RHOH: variants seen among roughly 807,000 people sequenced by gnomAD.
RHOH encodes ras homolog family member H.
A neutral mutation model predicts 13.8 loss-of-function variants in RHOH; 6 were observed. The observed-to-expected ratio is 0.44, with a 90% CI of 0.24 to 0.86. The LOEUF is 0.86. Ranked by LOEUF, RHOH falls within the 40% of genes least tolerant of loss-of-function variation. The pLI is 0.24. For missense variants in RHOH, 147 were observed against 244.5 expected (o/e 0.60, Z 2.66); for synonymous variants, 117 against 103.0 (o/e 1.14, Z -0.82).
chr4:40,246,330 G>A lies in RHOH; in HGVS notation c.*2368G>A, dbSNP rs1254741324. On this transcript the variant is annotated 3_prime_UTR_variant, in exon 3 of 3. Transcript: ENST00000381799. ...AGGGCCACCATACATGATCCTAAGT[G>A]AAGGAAGAGGAGGTGGTTCCACGGT... 6.6e-6 allele frequency: 1 copy of A among 152,494 alleles called. No homozygotes were observed. The highest frequency in any genetic ancestry group is 1.5e-5 in the Non-Finnish European group (1 of 68,166). The allele number at this position is 152,494 out of a possible 1,614,324, so 9.4% of individuals were successfully genotyped here. A position where few individuals can be genotyped will look rare whatever the true frequency, so the allele number is the denominator to read the frequency against.
chr4:40,232,464 A>C (rs1378888917), intron 1 of RHOH, among the ~76,000 whole-genome samples: 1 of 151,520 alleles, frequency 6.6e-6, no homozygotes, highest in Non-Finnish European at 1.5e-5. Context: ...CATGTTGCCC[A>C]GGCTGGTCTT....
chr4:40,224,907 A>T (rs1727037674), intron 1 of RHOH, among the ~76,000 whole-genome samples: 2 of 152,142 alleles, frequency 1.3e-5, no homozygotes, highest in South Asian at 4.1e-4. Flanking sequence ...TATCTTACTG[A>T]ATTATTGTTA....
At chr4:40,238,022 A>C (rs1183472893) in intron 1 of RHOH, among the ~76,000 whole-genome samples, 1 of 152,208 alleles carries the variant, frequency 6.6e-6, no homozygotes, top group Non-Finnish European at 1.5e-5. Flanking sequence ...TTATTTCTGT[A>C]TTGTTATCAT....
At chr4:40,238,577 C>T (rs1295180419) in intron 1 of RHOH, among the ~76,000 whole-genome samples, 3 of 152,104 alleles carry the variant, frequency 2.0e-5, no homozygotes, top group African/African-American at 4.8e-5. Context: ...TGTCTCTGTG[C>T]GTGTGAACCC....
rs1729493891 is a variant in RHOH at position 40,243,438 on chromosome 4, A to G, written c.52A>G (p.Thr18Ala). 1 of 1,608,798 alleles carries G rather than the reference A, an allele frequency of 6.2e-7. No homozygotes were observed. Among genetic ancestry groups the G allele is most frequent in the Non-Finnish European group, 8.5e-7 (1 of 1,177,822 alleles). Reference sequence around the variant, plus strand: ...GGTGGGCGACTCTGCTGTGGGGAAAACCTCTCTGTTGGTGCGCTTCACCTC... The same window carrying G: ...GGTGGGCGACTCTGCTGTGGGGAAAGCCTCTCTGTTGGTGCGCTTCACCTC... Reference protein sequence around the residue: ...VLVGDSAVGKTSLLVRFTSET... With the variant: ...VLVGDSAVGKASLLVRFTSET... The change falls in exon 3 of 3, where the codon ACC (threonine) becomes GCC (alanine). Residue 18 changes from threonine to alanine, a missense_variant. Transcript: ENST00000381799. This position sits in a 1 kb window ranked among gnomAD's most constrained non-coding sequence, Gnocchi z 6.2.
rs921188719 is a variant in RHOH, at chr4:40,197,265, T to G, written c.-366T>G. On this transcript the variant is annotated 5_prime_UTR_variant, in exon 1 of 3. Coordinates refer to ENST00000381799, the MANE Select transcript of RHOH (RefSeq NM_004310.5). ...AATTTGATTTCCGGAGTCAGTCATT[T>G]TACTGTCAAGACATTTCTTCGGCAT... 2.0e-5 allele frequency: 3 copies of G among 152,284 alleles called. No individual in the cohort carries two copies. The highest frequency in any genetic ancestry group is 7.2e-5 in the African/African-American group (3 of 41,470). The allele number at this position is 152,284 out of a possible 1,614,324, so 9.4% of individuals were successfully genotyped here.
In RHOH at chr4:40,243,747, C is replaced by T. The variant is rs1462656857; in HGVS notation, c.361C>T (p.Arg121Trp). The T allele has an allele frequency of 3.1e-6, 5 of 1,613,984 alleles. No individual in the cohort carries two copies. The highest frequency in any genetic ancestry group is 4.2e-6 in the Non-Finnish European group (5 of 1,180,010). The stretch of plus-strand genomic sequence containing the variant: ...GGTGGTGGCCACCCAGACTGACCAG[C>T]GGGAGATGGGGCCCCACAGGGCCTC... ...VLVVATQTDQREMGPHRASCV... is the reference protein window; with the variant it reads ...VLVVATQTDQWEMGPHRASCV... The change falls in exon 3 of 3, where the codon CGG (arginine) becomes TGG (tryptophan). Residue 121 changes from arginine to tryptophan, a missense_variant. Around this residue, in one of 3 missense-constraint regions of RHOH, gnomAD observed 36 missense variants for 30.7 expected, o/e 1.17. Coordinates refer to ENST00000381799, the MANE Select transcript of RHOH (RefSeq NM_004310.5). This position sits in a 1 kb window ranked among gnomAD's most constrained non-coding sequence, Gnocchi z 6.2.
intron 1 of RHOH, among the ~76,000 whole-genome samples, chr4:40,212,455 G>A (rs1490040011): frequency 6.6e-6 from 1 of 152,168 alleles, no homozygotes; most frequent in Non-Finnish European, 1.5e-5. Flanking sequence ...TGAAGTCAAC[G>A]AGGGCTTGCA....
At chr4:40,239,322 C>T (rs1431781597) in intron 1 of RHOH, among the ~76,000 whole-genome samples, 1 of 152,132 alleles carries the variant, frequency 6.6e-6, no homozygotes, top group Admixed American at 6.6e-5. Context: ...ACTTTTTCTC[C>T]TTTCTGACTC....
intron 1 of RHOH, among the ~76,000 whole-genome samples, chr4:40,205,370 C>CA (rs1724524586): frequency 2.0e-5 from 3 of 152,348 alleles, no homozygotes; most frequent in African/African-American, 7.2e-5. Context: ...ACTGGATACC[C>CA]AGCCCAGCTG....
chr4:40,201,182 G>A (rs913869765), intron 1 of RHOH, among the ~76,000 whole-genome samples: 2 of 152,172 alleles, frequency 1.3e-5, no homozygotes, highest in African/African-American at 4.8e-5. Context: ...AAAAAAGCAC[G>A]GTAAAATGAA....
upstream of RHOH, among the ~76,000 whole-genome samples, chr4:40,194,655 C>T (rs1560674663): frequency 6.6e-6 from 1 of 152,174 alleles, no homozygotes; most frequent in Non-Finnish European, 1.5e-5. Context: ...GGATTATAGG[C>T]GTGAGCCACT....
chr4:40,225,412 A>G (rs141516217), intron 1 of RHOH, among the ~76,000 whole-genome samples: 8 of 150,592 alleles, frequency 5.3e-5, no homozygotes, highest in African/African-American at 1.9e-4. Flanking sequence ...AGTTCAATTA[A>G]AAAAAAAAGT....
chr4:40,239,869 C>T (rs1729041943), intron 1 of RHOH, among the ~76,000 whole-genome samples: 1 of 147,550 alleles, frequency 6.8e-6, no homozygotes, highest in South Asian at 2.1e-4. Flanking sequence ...CAGAGCGAGA[C>T]TCCGTCTCAA....
At chr4:40,239,088 C>G (rs557510845) in intron 1 of RHOH, among the ~76,000 whole-genome samples, 1 of 152,334 alleles carries the variant, frequency 6.6e-6, no homozygotes, top group African/African-American at 2.4e-5. Context: ...AGGCTCCTCC[C>G]CTCCTCAAGG....
At position 40,245,188 on chromosome 4, in the gene RHOH, T is replaced by C. The variant is rs1294270487; in HGVS notation, c.*1226T>C. On this transcript the variant is annotated 3_prime_UTR_variant, in exon 3 of 3. Coordinates refer to ENST00000381799, the MANE Select transcript of RHOH (RefSeq NM_004310.5). ...ACTCAAACCTCATTCTATCGAATAG[T>C]TTAAAAGCAATGGTGTTGCTCATCT... 1 of 152,096 alleles carries C rather than the reference T, an allele frequency of 6.6e-6. No homozygotes were observed. Among genetic ancestry groups the C allele is most frequent in the Non-Finnish European group, 1.5e-5 (1 of 68,014 alleles). 9.4% of individuals were successfully genotyped at this position (152,096 alleles called of 1,614,324 possible).
intron 1 of RHOH, among the ~76,000 whole-genome samples, chr4:40,207,100 G>A (rs1215289560): frequency 1.3e-5 from 2 of 151,866 alleles, no homozygotes; most frequent in African/African-American, 2.4e-5. Flanking sequence ...CCAGCTACTC[G>A]GGAGGCTGAG....
In RHOH at chr4:40,218,474, G is replaced by T. The variant is rs1006838041; in HGVS notation, c.-331+21174G>T. On this transcript the variant is annotated intron_variant, in intron 1 of 2. Transcript: ENST00000381799. The surrounding 1 kb of genome is among the most constrained non-coding windows in gnomAD (Gnocchi z 4.1). ...TGCTAGGGCCCCCTGTGCTTAGCTC[G>T]GCTAATGAGCCCAGGCTGAGGGCTT... Among the ~76,000 whole-genome samples, 2 of 152,126 alleles carry T rather than the reference G, an allele frequency of 1.3e-5. No individual in the cohort carries two copies. Among genetic ancestry groups the T allele is most frequent in the African/African-American group, 4.8e-5 (2 of 41,418 alleles).
chr4:40,213,446 G>T (rs759074592), intron 1 of RHOH, among the ~76,000 whole-genome samples: 1 of 151,574 alleles, frequency 6.6e-6, no homozygotes, highest in Non-Finnish European at 1.5e-5. Flanking sequence ...ATGGAACACG[G>T]AAGAGTCTTC....
Sources: gnomAD v4.1 joint callset for allele counts (sites outside exome capture counted in the v4.1 genomes callset) on GRCh38, gnomAD v4.1.1 for gene constraint, gnomAD v4.1.1 regional missense constraint, Gnocchi (gnomAD v3.1) non-coding constraint, MANE v1.5 for transcripts, NCBI Gene and HGNC (gene_info 2026-07-23, HGNC 2026-07-21) for gene names.